PHF20L1: variants seen among roughly 807,000 people sequenced by gnomAD.
The protein encoded by PHF20L1 is PHD finger protein 20 like 1, also known as PHD finger protein 20-like protein 1.
A neutral mutation model predicts 125.5 loss-of-function variants in PHF20L1; 44 were observed. The observed-to-expected ratio is 0.35, with a 90% CI of 0.28 to 0.45. PHF20L1 has a LOEUF of 0.45. Ranked by LOEUF, PHF20L1 falls within the 20% of genes least tolerant of loss-of-function variation. The probability of loss-of-function intolerance (pLI) is 1.00; values close to 1 mark genes in which losing one functional copy is unlikely to be tolerated. For missense variants in PHF20L1, 1,012 were observed against 1,217.2 expected (o/e 0.83, Z 2.51); for synonymous variants, 380 against 403.1 (o/e 0.94, Z 0.69).
intron 6 of PHF20L1, among the ~76,000 whole-genome samples, chr8:132,800,675 A>G (rs766029697): frequency 6.6e-6 from 1 of 151,764 alleles, no homozygotes; most frequent in Non-Finnish European, 1.5e-5. Flanking sequence ...ACTTTTGTAT[A>G]TGCAAACCTC....
intron 9 of PHF20L1, 95 bp downstream of exon 9, chr8:132,811,223 G>C (rs568487017): frequency 6.4e-7 from 1 of 1,559,648 alleles, no homozygotes; most frequent in African/African-American, 1.4e-5. Context: ...CTTTTGATCA[G>C]ATATGGGAAT....
chr8:132,781,522 A>G (rs548112971), intron 2 of PHF20L1, among the ~76,000 whole-genome samples: 1 of 152,142 alleles, frequency 6.6e-6, no homozygotes, highest in African/African-American at 2.4e-5. Flanking sequence ...TCCGCCTCTC[A>G]GGTTCAAGTG....
chr8:132,809,209 C>T (rs1369309449), intron 8 of PHF20L1: 1 of 152,024 alleles, frequency 6.6e-6, no homozygotes, highest in Non-Finnish European at 1.5e-5. Context: ...CTCTGTTCCC[C>T]AGGATGGAGT....
intron 6 of PHF20L1, among the ~76,000 whole-genome samples, chr8:132,800,748 C>T (rs2553586): frequency 2.6e-5 from 4 of 151,462 alleles, no homozygotes; most frequent in Admixed American, 2.0e-4. Context: ...ACTTTGAACC[C>T]GTTGGTTAAT....
At chr8:132,835,069 G>T (rs1837197234) in intron 15 of PHF20L1, among the ~76,000 whole-genome samples, 1 of 152,048 alleles carries the variant, frequency 6.6e-6, no homozygotes, top group South Asian at 2.1e-4. Flanking sequence ...GTTCAAATCT[G>T]TTCAACTTCG....
At chr8:132,777,063 G>A (rs1016992644) in intron 1 of PHF20L1, among the ~76,000 whole-genome samples, 2 of 152,140 alleles carry the variant, frequency 1.3e-5, no homozygotes, top group Non-Finnish European at 2.9e-5. Context: ...TATCAATGTG[G>A]ACACTGTCTA....
chr8:132,787,372 T>A (rs1327993378), intron 2 of PHF20L1, among the ~76,000 whole-genome samples: 1 of 152,144 alleles, frequency 6.6e-6, no homozygotes, highest in Non-Finnish European at 1.5e-5. Context: ...TAGCTAATTC[T>A]GTTCTTCTCT....
At chr8:132,818,847 A>G (rs1347403859) in intron 12 of PHF20L1, 2 of 151,944 alleles carry the variant, frequency 1.3e-5, no homozygotes, top group African/African-American at 4.8e-5. Flanking sequence ...TGTTAAAGTT[A>G]TAAGGTTGTA....
intron 2 of PHF20L1, chr8:132,788,753 A>G (rs1831341076): frequency 6.6e-6 from 1 of 152,156 alleles, no homozygotes; most frequent in African/African-American, 2.4e-5. Context: ...CCATCAGATT[A>G]TATTTCTGGC....
At chr8:132,832,705 T>C (rs1030397725) in intron 15 of PHF20L1, among the ~76,000 whole-genome samples, 1 of 152,126 alleles carries the variant, frequency 6.6e-6, no homozygotes, top group African/African-American at 2.4e-5. Context: ...ACATTTGATA[T>C]ATAAACAAGC....
chr8:132,813,347 A>ACACT (rs1414383297), intron 9 of PHF20L1, among the ~76,000 whole-genome samples: 1 of 151,986 alleles, frequency 6.6e-6, no homozygotes, highest in Non-Finnish European at 1.5e-5. Context: ...AATGAATGGG[A>ACACT]CACTTGACAC....
chr8:132,825,929 C>T (rs1195376953), intron 14 of PHF20L1, among the ~76,000 whole-genome samples: 2 of 151,968 alleles, frequency 1.3e-5, no homozygotes, highest in Non-Finnish European at 2.9e-5. Context: ...GGACTTCCAG[C>T]CTTCAGAACT....
rs201689253 is a variant in PHF20L1 at position 132,825,024 on chromosome 8, T to G, written c.1637-240T>G. ...TTGAAGGTTTTAACTACTGTCTGTG[T>G]TAACTTTAAGGTATCAGGAGTTGGG... On this transcript the variant is annotated intron_variant, in intron 13 of 20. Coordinates refer to ENST00000395386, the MANE Select transcript of PHF20L1 (RefSeq NM_016018.5). 2.8e-6 allele frequency: 4 copies of G among 1,430,908 alleles called. No homozygotes were observed. In the African/African-American group the frequency reaches 5.7e-5, roughly 20 times the overall value. 88.6% of individuals were successfully genotyped at this position (1,430,908 alleles called of 1,614,324 possible). A position where few individuals can be genotyped will look rare whatever the true frequency, so the allele number is the denominator to read the frequency against.
intron 16 of PHF20L1, among the ~76,000 whole-genome samples, chr8:132,837,152 C>A (rs1482629660): frequency 6.6e-6 from 1 of 151,880 alleles, no homozygotes; most frequent in Non-Finnish European, 1.5e-5. Flanking sequence ...GAGTTAACAA[C>A]TTCTTCTTGT....
At chr8:132,824,703 TAC>T (rs1835965261) in intron 13 of PHF20L1, 2 of 174,762 alleles carry the variant, frequency 1.1e-5, no homozygotes, top group Non-Finnish European at 2.5e-5. Context: ...AAGAATGCTT[TAC>T]AATTTTGGAA....
intron 15 of PHF20L1, 42 bp downstream of exon 15, chr8:132,832,441 C>T: frequency 7.1e-7 from 1 of 1,407,654 alleles, no homozygotes; most frequent in Non-Finnish European, 1.0e-6. Context: ...ACTTACAATT[C>T]CTAAATGTGT....
chr8:132,792,801 AC>A (rs1831890206), intron 2 of PHF20L1, among the ~76,000 whole-genome samples: 2 of 152,234 alleles, frequency 1.3e-5, no homozygotes, highest in East Asian at 3.9e-4. Flanking sequence ...AAATGTTAAT[AC>A]ATTTTCGTGA....
chr8:132,846,569 A>T lies in PHF20L1; in HGVS notation c.*646A>T, dbSNP rs1479407807. 6.6e-6 allele frequency: 1 copy of T among 152,536 alleles called. No homozygotes were observed. Among genetic ancestry groups the T allele is most frequent in the Admixed American group, 6.6e-5 (1 of 15,262 alleles). 9.4% of individuals were successfully genotyped at this position (152,536 alleles called of 1,614,324 possible). ...GTATTTAAAAAACAAACACCAAATA[A>T]TTGGAATATATTGCAGGCATTAAGC... On this transcript the variant is annotated 3_prime_UTR_variant, in exon 21 of 21. Transcript: ENST00000395386.
At position 132,786,366 on chromosome 8, in the gene PHF20L1, C is replaced by T. The variant is rs186032226; in HGVS notation, c.84-8044C>T. The stretch of plus-strand genomic sequence containing the variant: ...CTTATCTTTGCTTAGTAATTTTATG[C>T]GTGGAGGATATTTATTTTGTACAAT... On this transcript the variant is annotated intron_variant, in intron 2 of 20. Transcript: ENST00000395386. Among the ~76,000 whole-genome samples, 8 of 151,990 alleles carry T rather than the reference C, an allele frequency of 5.3e-5. No homozygotes were observed. The East Asian group carries it at 1.4e-3, about 26-fold the overall frequency.
Sources: allele counts gnomAD v4.1 joint callset (sites outside exome capture counted in the v4.1 genomes callset), GRCh38; gene constraint gnomAD v4.1.1; transcripts MANE v1.5; gene names NCBI Gene and HGNC (gene_info 2026-07-23, HGNC 2026-07-21).